THTPA: variants seen among roughly 807,000 people sequenced by gnomAD.
THTPA encodes the protein thiamine-triphosphatase.
THTPA carries 16 observed loss-of-function variants against 16.5 expected under a neutral mutation model. The observed-to-expected ratio is 0.97, with a 90% CI of 0.66 to 1.47. The LOEUF (loss-of-function observed/expected upper bound fraction) is 1.47. THTPA is among the 40% of genes most tolerant of loss of function. The probability of loss-of-function intolerance (pLI) is 0.00; values close to 1 mark genes in which losing one functional copy is unlikely to be tolerated. For synonymous variants in THTPA, 110 were observed against 115.5 expected, an observed-to-expected ratio of 0.95 and a Z score of 0.30; for missense variants, 281 against 280.9, an observed-to-expected ratio of 1.00 and a Z score of 0.00.
chr14:23,556,733 G>A lies in THTPA; in HGVS notation c.-25G>A, dbSNP rs748021969. 1.2e-6 allele frequency: 2 copies of A among 1,602,726 alleles called. No homozygotes were observed. Among genetic ancestry groups the A allele is most frequent in the Admixed American group, 3.4e-5 (2 of 59,220 alleles). On this transcript the variant is annotated 5_prime_UTR_variant, in exon 1 of 2. Coordinates refer to ENST00000288014, the MANE Select transcript of THTPA (RefSeq NM_024328.6). Reference sequence around the variant, plus strand: ...TTGCATCCTTGGGAACTCAGCAAACGTTTGTTCAGCCAATTGCAGGTAGCA... The same window carrying A: ...TTGCATCCTTGGGAACTCAGCAAACATTTGTTCAGCCAATTGCAGGTAGCA...
the THTPA span, chr14:23,527,522 C>G: frequency 6.7e-7 from 1 of 1,502,854 alleles, no homozygotes; most frequent in Non-Finnish European, 8.9e-7. Flanking sequence ...ATGCACCTGC[C>G]TGAATACCCC....
At chr14:23,525,864 G>A in the THTPA span, 1 of 1,456,550 alleles carries the variant, frequency 6.9e-7, no homozygotes, top group Non-Finnish European at 9.0e-7. This position sits in a 1 kb window ranked among gnomAD's most constrained non-coding sequence, Gnocchi z 5.9. Flanking sequence ...AGCTGCTGCT[G>A]CTGGAGCTTA....
At chr14:23,515,924 A>T in the THTPA span, among the ~76,000 whole-genome samples, 4 of 152,158 alleles carry the variant, frequency 2.6e-5, no homozygotes, top group Non-Finnish European at 5.9e-5. Context: ...AGCCAACGTG[A>T]GCAGAAGACC....
the THTPA span, chr14:23,530,083 A>T: frequency 6.6e-7 from 1 of 1,505,300 alleles, no homozygotes. Flanking sequence ...GCGTCTCAGA[A>T]GGTAGGAGGA....
chr14:23,512,892 AAG>A, the THTPA span: 3 of 149,808 alleles, frequency 2.0e-5, no homozygotes, highest in African/African-American at 7.4e-5. Context: ...TGGGGAGGAA[AAG>A]AGGGGGGTCT....
At chr14:23,552,877 T>C (rs1882080867), upstream of THTPA, among the ~76,000 whole-genome samples, 1 of 152,160 alleles carries the variant, frequency 6.6e-6, no homozygotes, top group East Asian at 1.9e-4. Flanking sequence ...CCTGGGATTA[T>C]AGGGGTGATC....
the THTPA span, chr14:23,543,900 C>T: frequency 5.9e-5 from 9 of 151,938 alleles, no homozygotes; most frequent in African/African-American, 1.9e-4. Context: ...AATTCTAGTT[C>T]TGTTTCTTAA....
In THTPA at chr14:23,556,516, G is replaced by C. The variant is rs1469619809; in HGVS notation, c.-242G>C. The C allele has an allele frequency of 7.2e-6, 4 of 555,790 alleles. No individual in the cohort carries two copies. Among genetic ancestry groups the C allele is most frequent in the Admixed American group, 6.4e-5 (2 of 31,116 alleles). The allele number at this position is 555,790 out of a possible 1,614,324, so 34.4% of individuals were successfully genotyped here. On this transcript the variant is annotated 5_prime_UTR_variant, in exon 1 of 2. Transcript: ENST00000288014. ...CTTTGGATTGAGGACATCAGCAGCAGTGGAAGGGATTTTACTGGAGACCTG... is the reference window on the plus strand; with the variant it reads ...CTTTGGATTGAGGACATCAGCAGCACTGGAAGGGATTTTACTGGAGACCTG...
chr14:23,539,838 C>T, the THTPA span, among the ~76,000 whole-genome samples: 2 of 152,190 alleles, frequency 1.3e-5, no homozygotes, highest in African/African-American at 4.8e-5. Flanking sequence ...CTAATGGGAC[C>T]TGACTGGCTT....
Position 23,559,057 on chromosome 14 carries a change from C to T in THTPA, c.*217C>T. 5.2e-6 allele frequency: 3 copies of T among 574,694 alleles called. No individual in the cohort carries two copies. The highest frequency in any genetic ancestry group is 9.2e-6 in the Non-Finnish European group (3 of 327,762). The allele number at this position is 574,694 out of a possible 1,614,324, so 35.6% of individuals were successfully genotyped here. ...GATGCAATCTGTGGGCCGCCCCTCT[C>T]CCCTGGCCGCTAAGCAGCCTCCATT... is the stretch of plus-strand genomic sequence containing the variant. On this transcript the variant is annotated 3_prime_UTR_variant, in exon 2 of 2. Transcript: ENST00000288014.
the THTPA span, chr14:23,523,537 G>A: frequency 1.3e-6 from 2 of 1,536,636 alleles, no homozygotes; most frequent in Non-Finnish European, 1.7e-6. This position sits in a 1 kb window ranked among gnomAD's most constrained non-coding sequence, Gnocchi z 4.1. Flanking sequence ...CCTCACTGCT[G>A]CCCCCAGTGC....
At chr14:23,533,855 C>T in the THTPA span, 11 of 1,538,600 alleles carry the variant, frequency 7.1e-6, no homozygotes, top group Middle Eastern at 1.7e-4. The surrounding 1 kb of genome is among the most constrained non-coding windows in gnomAD (Gnocchi z 4.8). Context: ...CGGGGGTGGG[C>T]GCCCCCAGCA....
At chr14:23,519,137 A>C in the THTPA span, among the ~76,000 whole-genome samples, 1 of 152,068 alleles carries the variant, frequency 6.6e-6, no homozygotes, top group South Asian at 2.1e-4. Flanking sequence ...TAGGTGTAAA[A>C]GAACATGTTG....
At chr14:23,540,907 T>C in the THTPA span, among the ~76,000 whole-genome samples, 3,068 of 152,008 alleles carry the variant, frequency 0.02, 103 homozygotes, top group African/African-American at 0.071. Context: ...TTTTTCTTTT[T>C]TCTCTCTTTT....
the THTPA span, chr14:23,526,510 G>T: frequency 2.6e-6 from 4 of 1,535,896 alleles, no homozygotes; most frequent in South Asian, 4.8e-5. Context: ...CAGCCATGGT[G>T]GGCGGAGGAG....
the THTPA span, chr14:23,520,798 G>C: frequency 1.3e-5 from 2 of 151,896 alleles, no homozygotes; most frequent in Non-Finnish European, 2.9e-5. This position sits in a 1 kb window ranked among gnomAD's most constrained non-coding sequence, Gnocchi z 8.7. Context: ...CTTAAACCGG[G>C]GGGGTGGGGG....
chr14:23,534,978 G>A, the THTPA span: 2 of 1,536,174 alleles, frequency 1.3e-6, no homozygotes, highest in East Asian at 4.9e-5. The surrounding 1 kb of genome is among the most constrained non-coding windows in gnomAD (Gnocchi z 4.5). Context: ...CTCCAGCTGT[G>A]AAGAATAAGT....
chr14:23,523,761 C>T, the THTPA span: 2 of 1,536,232 alleles, frequency 1.3e-6, no homozygotes, highest in Admixed American at 2.0e-5. The surrounding 1 kb of genome is among the most constrained non-coding windows in gnomAD (Gnocchi z 4.1). Flanking sequence ...CCCATTCCAT[C>T]TGGAACCCCA....
chr14:23,521,772 G>T, the THTPA span: 1 of 991,438 alleles, frequency 1.0e-6, no homozygotes, highest in Non-Finnish European at 1.4e-6. Flanking sequence ...GTGTCTGTGG[G>T]GATTGGGAGG....
Sources: allele counts gnomAD v4.1 joint callset (sites outside exome capture counted in the v4.1 genomes callset), GRCh38; gene constraint gnomAD v4.1.1; non-coding constraint Gnocchi (gnomAD v3.1); transcripts MANE v1.5; gene names NCBI Gene and HGNC (gene_info 2026-07-23, HGNC 2026-07-21).